TMTC2: variants seen among roughly 807,000 people sequenced by gnomAD.
The protein encoded by TMTC2 is transmembrane O-mannosyltransferase targeting cadherins 2.
Under a neutral mutation model 82.4 loss-of-function variants are expected in TMTC2, and 43 were observed. The ratio of observed to expected loss-of-function variants is 0.52; its 90% CI spans 0.41 to 0.67. The LOEUF is 0.67. Ranked by LOEUF, TMTC2 falls within the 30% of genes least tolerant of loss-of-function variation. The probability of loss-of-function intolerance (pLI) is 0.00; values close to 1 mark genes in which losing one functional copy is unlikely to be tolerated. For synonymous variants in TMTC2, 408 were observed against 381.9 expected, an observed-to-expected ratio of 1.07 and a Z score of -0.80; for missense variants, 919 against 1,012.4, an observed-to-expected ratio of 0.91 and a Z score of 1.25.
At chr12:82,876,078 A>AGTATTCATAATTG (rs1872527881) in intron 2 of TMTC2, among the ~76,000 whole-genome samples, 1 of 78,648 alleles carries the variant, frequency 1.3e-5, no homozygotes, top group African/African-American at 5.3e-5. Context: ...GATGATGATG[A>AGTATTCATAATTG]TGGTGATTAG....
intron 1 of TMTC2, among the ~76,000 whole-genome samples, chr12:82,723,507 G>A (rs1403170739): frequency 6.6e-6 from 1 of 152,124 alleles, no homozygotes; most frequent in Non-Finnish European, 1.5e-5. Context: ...TACTGGGGAT[G>A]GGACCTATGT....
At chr12:82,911,662 G>T (rs556585164) in intron 3 of TMTC2, among the ~76,000 whole-genome samples, 2 of 152,006 alleles carry the variant, frequency 1.3e-5, no homozygotes, top group South Asian at 2.1e-4. Flanking sequence ...GAGTACAGTG[G>T]CACGATCTTG....
intron 2 of TMTC2, among the ~76,000 whole-genome samples, chr12:82,876,097 A>ATGG (rs3068166): frequency 0.034 from 3,791 of 113,154 alleles, 147 homozygotes; most frequent in East Asian, 0.18. Flanking sequence ...AGTATTCATA[A>ATGG]TGGTGGTGGT....
At chr12:82,790,998 A>G (rs1431013891) in intron 1 of TMTC2, among the ~76,000 whole-genome samples, 2 of 151,988 alleles carry the variant, frequency 1.3e-5, no homozygotes, top group Admixed American at 6.6e-5. Context: ...GCTCATCCAT[A>G]TGACCTGGAT....
intron 1 of TMTC2, among the ~76,000 whole-genome samples, chr12:82,813,780 TA>T (rs1868533958): frequency 6.6e-6 from 1 of 152,112 alleles, no homozygotes; most frequent in African/African-American, 2.4e-5. Flanking sequence ...CTTATTGATT[TA>T]ATGTTTATGG....
chr12:82,746,089 AT>A (rs1268960409), intron 1 of TMTC2, among the ~76,000 whole-genome samples: 1 of 152,220 alleles, frequency 6.6e-6, no homozygotes, highest in Non-Finnish European at 1.5e-5. Context: ...ACATTTAAGA[AT>A]TTTTATATAG....
At chr12:83,129,767 A>G (rs535713973) in intron 11 of TMTC2, among the ~76,000 whole-genome samples, 1 of 152,302 alleles carries the variant, frequency 6.6e-6, no homozygotes, top group East Asian at 1.9e-4. Context: ...AATGACAATA[A>G]TGTGGGTATT....
intron 7 of TMTC2, among the ~76,000 whole-genome samples, chr12:82,970,498 ATT>A (rs371208600): frequency 2.8e-5 from 4 of 143,086 alleles, no homozygotes; most frequent in Admixed American, 6.8e-5. Context: ...CGCCCGGCTA[ATT>A]TTTTTTGTAT....
intron 1 of TMTC2, among the ~76,000 whole-genome samples, chr12:82,797,443 T>A (rs1026334673): frequency 3.3e-5 from 5 of 152,228 alleles, no homozygotes; most frequent in African/African-American, 1.2e-4. Context: ...GCTGGTTGAA[T>A]TTTACAGAGA....
At chr12:83,105,360 A>C (rs1191913232) in intron 11 of TMTC2, among the ~76,000 whole-genome samples, 1 of 152,128 alleles carries the variant, frequency 6.6e-6, no homozygotes, top group Non-Finnish European at 1.5e-5. Context: ...CCATTCTTGC[A>C]TTGCTATGAA....
intron 4 of TMTC2, among the ~76,000 whole-genome samples, chr12:82,935,190 T>C (rs1876251450): frequency 3.3e-5 from 5 of 152,156 alleles, no homozygotes. Flanking sequence ...AAGTGCTACC[T>C]AAGGCATTTT....
intron 3 of TMTC2, among the ~76,000 whole-genome samples, chr12:82,904,540 A>G (rs1250273290): frequency 6.6e-6 from 1 of 152,224 alleles, no homozygotes; most frequent in African/African-American, 2.4e-5. Flanking sequence ...TGTGGTTTAT[A>G]ATATCAGGAA....
intron 8 of TMTC2, among the ~76,000 whole-genome samples, chr12:83,016,795 G>A (rs1447661360): frequency 6.6e-6 from 1 of 152,170 alleles, no homozygotes; most frequent in African/African-American, 2.4e-5. Context: ...GCCAAATCAA[G>A]CTTCTGTACC....
intron 1 of TMTC2, among the ~76,000 whole-genome samples, chr12:82,807,936 AT>A (rs1316281338): frequency 6.6e-6 from 1 of 152,082 alleles, no homozygotes; most frequent in African/African-American, 2.4e-5. Context: ...CTACCTAAAA[AT>A]TATTAGGACT....
chr12:82,967,141 T>C (rs1878248931), intron 7 of TMTC2, 144 bp downstream of exon 7: 2 of 641,836 alleles, frequency 3.1e-6, no homozygotes, highest in Non-Finnish European at 2.6e-6. Context: ...ATACTCAAAT[T>C]CTGACAGAGC....
chr12:82,860,297 T>C (rs1004591454), intron 2 of TMTC2, among the ~76,000 whole-genome samples: 3 of 152,124 alleles, frequency 2.0e-5, no homozygotes, highest in Admixed American at 6.6e-5. Flanking sequence ...TAAGGACCTG[T>C]AGGATCATCT....
intron 1 of TMTC2, among the ~76,000 whole-genome samples, chr12:82,691,422 T>C (rs1255232515): frequency 6.6e-6 from 1 of 152,186 alleles, no homozygotes; most frequent in East Asian, 1.9e-4. Context: ...CCTAGTTAGC[T>C]TTTCATTTGG....
intron 2 of TMTC2, among the ~76,000 whole-genome samples, chr12:82,867,573 ATAT>A (rs1413360976): frequency 2.0e-5 from 3 of 152,218 alleles, no homozygotes; most frequent in African/African-American, 7.2e-5. Flanking sequence ...AGTACTTTTA[ATAT>A]AGAGACCTTG....
chr12:82,710,561 A>C (rs2136912482), intron 1 of TMTC2, among the ~76,000 whole-genome samples: 1 of 152,356 alleles, frequency 6.6e-6, no homozygotes, highest in Admixed American at 6.5e-5. Context: ...GTCTGAATAA[A>C]TTATGATCAT....
Sources: allele counts gnomAD v4.1 joint callset (sites outside exome capture counted in the v4.1 genomes callset), GRCh38; gene constraint gnomAD v4.1.1; transcripts MANE v1.5; gene names NCBI Gene and HGNC (gene_info 2026-07-23, HGNC 2026-07-21).